Variants in CDK14 observed in about 807,000 individuals in gnomAD.
CDK14 encodes the protein cyclin-dependent kinase 14.
In CDK14, 34 loss-of-function variants were observed where a neutral mutation model predicts 60.7. The ratio of observed to expected loss-of-function variants is 0.56; its 90% CI spans 0.43 to 0.75. The LOEUF is 0.75. Ranked by LOEUF, CDK14 falls within the 30% of genes least tolerant of loss-of-function variation. The pLI is 0.00. For synonymous variants in CDK14, 197 were observed against 203.7 expected, an observed-to-expected ratio of 0.97 and a Z score of 0.28; for missense variants, 482 against 564.1, an observed-to-expected ratio of 0.85 and a Z score of 1.47.
intron 6 of CDK14, among the ~76,000 whole-genome samples, chr7:90,877,227 C>A (rs1293109906): frequency 2.3e-4 from 35 of 152,168 alleles, no homozygotes; most frequent in Admixed American, 2.3e-3. Flanking sequence ...ATATACACTT[C>A]ATTTTTCAGT....
intron 4 of CDK14, among the ~76,000 whole-genome samples, chr7:90,767,581 T>G (rs1804616101): frequency 6.6e-6 from 1 of 152,070 alleles, no homozygotes; most frequent in Admixed American, 6.6e-5. Flanking sequence ...TTGGACAAGG[T>G]TTTCTATTCC....
intron 4 of CDK14, among the ~76,000 whole-genome samples, chr7:90,757,721 AC>A (rs1334295611): frequency 6.6e-6 from 1 of 151,624 alleles, no homozygotes; most frequent in Non-Finnish European, 1.5e-5. Flanking sequence ...ATGCCTCAGC[AC>A]CCCCGAGTAG....
At chr7:90,711,030 G>A (rs1802041256) in intron 2 of CDK14, among the ~76,000 whole-genome samples, 1 of 151,998 alleles carries the variant, frequency 6.6e-6, no homozygotes, top group Non-Finnish European at 1.5e-5. Flanking sequence ...TTCCACTTGT[G>A]TATAGTTTAA....
Position 91,177,409 on chromosome 7 carries a change from A to C in CDK14, c.*29-29756A>C, listed in dbSNP as rs1359229540. Among the ~76,000 whole-genome samples the C allele has an allele frequency of 3.3e-5, 5 of 151,458 alleles. No homozygotes were observed. In the East Asian group the frequency reaches 9.7e-4, roughly 29 times the overall value. ...CTTTGAAAACTGGCACAAGACAGGGATACCCTCTCTCACCACTCCTATTCA... is the reference window on the plus strand; with the variant it reads ...CTTTGAAAACTGGCACAAGACAGGGCTACCCTCTCTCACCACTCCTATTCA... On this transcript the variant is annotated intron_variant, in intron 14 of 14. Transcript: ENST00000380050.
intron 4 of CDK14, among the ~76,000 whole-genome samples, chr7:90,764,985 G>C (rs546968664): frequency 2.6e-5 from 4 of 152,218 alleles, no homozygotes; most frequent in Admixed American, 2.6e-4. Context: ...TTGGCCTGAT[G>C]GGTGAGACAG....
rs1342381796 is a variant in CDK14, at chr7:90,621,683, TCCTG to T, written c.123+17438_123+17441del. 1.3e-3 allele frequency among the ~76,000 whole-genome samples: 195 copies of T among 151,898 alleles called. 1 individual carries two copies. Among genetic ancestry groups the T allele is most frequent in the African/African-American group, 4.3e-3 (177 of 41,382 alleles). On this transcript the variant is annotated intron_variant, in intron 2 of 14. Transcript: ENST00000380050. ...TTCCTTCCTTCCTGCCTTCCTGCCT[TCCTG>T]CCTTCCTTCCTTCCTTCCTTTGCCA...
rs370095236 is a variant in CDK14, at chr7:91,160,901, A to C, written c.*28+42693A>C. ...ATTGCATTGTAAGCATTATATATTT[A>C]TACAATTGTTTATCATGAGGCTGGA... On this transcript the variant is annotated intron_variant, in intron 14 of 14. Transcript: ENST00000380050. Among the ~76,000 whole-genome samples, 129 of 152,314 alleles carry C rather than the reference A, an allele frequency of 8.5e-4. 3 individuals carry two copies. In the South Asian group the frequency reaches 0.026, roughly 31 times the overall value.
intron 5 of CDK14, among the ~76,000 whole-genome samples, chr7:90,805,018 C>A (rs913460511): frequency 2.0e-5 from 3 of 152,086 alleles, no homozygotes; most frequent in Middle Eastern, 3.4e-3. Flanking sequence ...GAAATTGAGG[C>A]CTAGACATAA....
chr7:90,726,826 TTTTG>T lies in CDK14; in HGVS notation c.369+18_369+21del. ...AGCCCCAGCTCGGTAAGTGCAGTCT[TTTTG>T]TTTATCACTGGGTAAACAGAAGGAA... On this transcript the variant is annotated intron_variant, in intron 3 of 14. Transcript: ENST00000380050. 1 of 1,612,564 alleles carries T rather than the reference TTTTG, an allele frequency of 6.2e-7. No homozygotes were observed. Among genetic ancestry groups the T allele is most frequent in the East Asian group, 2.2e-5 (1 of 44,864 alleles).
intron 2 of CDK14, among the ~76,000 whole-genome samples, chr7:90,613,773 A>G (rs1477470588): frequency 6.6e-6 from 1 of 152,140 alleles, no homozygotes; most frequent in Non-Finnish European, 1.5e-5. Flanking sequence ...TTCTTCAACA[A>G]GTGCAAAATG....
chr7:90,902,887 T>C (rs1027350566), intron 7 of CDK14, among the ~76,000 whole-genome samples: 7 of 151,988 alleles, frequency 4.6e-5, no homozygotes, highest in African/African-American at 7.2e-5. Context: ...TTCAAACAAC[T>C]TAACAGCAAA....
At chr7:91,089,664 C>A (rs888983839) in intron 12 of CDK14, among the ~76,000 whole-genome samples, 1 of 151,768 alleles carries the variant, frequency 6.6e-6, no homozygotes, top group African/African-American at 2.4e-5. Flanking sequence ...AGTAAAATGT[C>A]TCTGTTAGAG....
intron 10 of CDK14, among the ~76,000 whole-genome samples, chr7:91,038,919 C>G (rs1043575410): frequency 1.3e-5 from 2 of 152,180 alleles, no homozygotes; most frequent in Non-Finnish European, 2.9e-5. Flanking sequence ...CCATGTGGAA[C>G]TGTAAGTCCA....
At chr7:90,966,247 A>C (rs993441083) in intron 9 of CDK14, among the ~76,000 whole-genome samples, 4 of 152,164 alleles carry the variant, frequency 2.6e-5, no homozygotes, top group Non-Finnish European at 5.9e-5. Context: ...TTCCATATAT[A>C]AAATTGTTCT....
At chr7:90,961,192 GC>G (rs972933894) in intron 9 of CDK14, among the ~76,000 whole-genome samples, 16 of 151,972 alleles carry the variant, frequency 1.1e-4, no homozygotes, top group Non-Finnish European at 4.4e-5. Context: ...CACAAATACA[GC>G]AAAACATATA....
chr7:91,194,856 G>A (rs572772211), intron 14 of CDK14, among the ~76,000 whole-genome samples: 7 of 152,312 alleles, frequency 4.6e-5, no homozygotes, highest in Non-Finnish European at 5.9e-5. Context: ...GCTTCTTACA[G>A]TAAAACTTCA....
At chr7:90,784,038 G>C (rs1316296623) in intron 4 of CDK14, among the ~76,000 whole-genome samples, 1 of 152,194 alleles carries the variant, frequency 6.6e-6, no homozygotes, top group African/African-American at 2.4e-5. Context: ...GTGTCCGTCA[G>C]TGGATGAATG....
At chr7:90,661,742 T>C (rs1800869299) in intron 2 of CDK14, among the ~76,000 whole-genome samples, 2 of 152,178 alleles carry the variant, frequency 1.3e-5, no homozygotes, top group Admixed American at 1.3e-4. Context: ...TTACAGCCAC[T>C]GTTGCTAGGA....
chr7:90,899,453 A>G, intron 7 of CDK14, 100 bp downstream of exon 7: 1 of 848,328 alleles, frequency 1.2e-6, no homozygotes, highest in African/African-American at 1.8e-5. Context: ...AATTTTTTAA[A>G]TTTTTTGTGT....
Sources: gnomAD v4.1 joint callset for allele counts (sites outside exome capture counted in the v4.1 genomes callset) on GRCh38, gnomAD v4.1.1 for gene constraint, MANE v1.5 for transcripts, NCBI Gene and HGNC (gene_info 2026-07-23, HGNC 2026-07-21) for gene names.